The following AKT3 variants were observed in gnomAD, a reference collection of about 807,000 sequenced individuals.
AKT3 encodes the protein AKT serine/threonine kinase 3.
A neutral mutation model predicts 65.3 loss-of-function variants in AKT3; 15 were observed. That is an observed-to-expected ratio of 0.23 (90% CI 0.15 to 0.35). The LOEUF (loss-of-function observed/expected upper bound fraction) is 0.35, where lower values mean the gene tolerates loss of function less well. Ranked by LOEUF, AKT3 falls within the 10% of genes least tolerant of loss-of-function variation. The pLI is 1.00. For synonymous variants in AKT3, 206 were observed against 183.8 expected (o/e 1.12, Z -0.98); for missense variants, 243 against 576.5 (o/e 0.42, Z 5.92).
intron 2 of AKT3, among the ~76,000 whole-genome samples, chr1:243,824,592 GAACATAAAC>G (rs1032238642): frequency 2.0e-5 from 3 of 151,112 alleles, no homozygotes; most frequent in African/African-American, 7.3e-5. Context: ...AGTGGGCAAA[GAACATAAAC>G]AGACACTTTT....
intron 2 of AKT3, among the ~76,000 whole-genome samples, chr1:243,743,801 G>A (rs1315823418): frequency 6.6e-6 from 1 of 152,092 alleles, no homozygotes; most frequent in Admixed American, 6.5e-5. Flanking sequence ...CTTACACCCA[G>A]GAGTTTAAGA....
At chr1:243,726,997 A>G (rs1687250268) in intron 2 of AKT3, among the ~76,000 whole-genome samples, 1 of 152,234 alleles carries the variant, frequency 6.6e-6, no homozygotes, top group African/African-American at 2.4e-5. Flanking sequence ...AAGAGATGTC[A>G]GTATTGTGGT....
intron 3 of AKT3, among the ~76,000 whole-genome samples, chr1:243,692,127 T>C (rs903714917): frequency 3.9e-5 from 6 of 152,150 alleles, no homozygotes; most frequent in Non-Finnish European, 7.4e-5. Context: ...TCCCAAAAGA[T>C]AGCACCTTAG....
At chr1:243,781,403 C>G (rs1277830201) in intron 2 of AKT3, among the ~76,000 whole-genome samples, 1 of 152,122 alleles carries the variant, frequency 6.6e-6, no homozygotes, top group Non-Finnish European at 1.5e-5. Context: ...TTTTCCTCCT[C>G]TTTTTATTTG....
At chr1:243,671,168 C>T (rs1254911898) in intron 3 of AKT3, among the ~76,000 whole-genome samples, 3 of 151,542 alleles carry the variant, frequency 2.0e-5, no homozygotes, top group Non-Finnish European at 2.9e-5. Context: ...AGCTCCACCT[C>T]CCGGGTTCAT....
chr1:243,620,434 TGACACA>T lies in AKT3; in HGVS notation c.562-5279_562-5274del, dbSNP rs1489865645. Among the ~76,000 whole-genome samples the T allele has an allele frequency of 6.2e-3, 255 of 41,232 alleles. 99 individuals are homozygous for T. Among genetic ancestry groups the T allele is most frequent in the Non-Finnish European group, 0.023 (169 of 7,214 alleles). 27.0% of individuals were successfully genotyped at this position (41,232 alleles called of 152,430 possible). ...TGCATTTCCCTGATGAGTAGTGATATGACACACTTTTACAAATTAAACAATGATTAC... is the reference window on the plus strand; with the variant it reads ...TGCATTTCCCTGATGAGTAGTGATATCTTTTACAAATTAAACAATGATTAC... On this transcript the variant is annotated intron_variant, in intron 6 of 13. Coordinates refer to ENST00000673466, the MANE Select transcript of AKT3 (RefSeq NM_005465.7).
At chr1:243,490,612 G>A (rs895949903) in intron 13 of AKT3, among the ~76,000 whole-genome samples, 8 of 152,254 alleles carry the variant, frequency 5.3e-5, no homozygotes. Context: ...AGTGGGCATG[G>A]TGCACGCCTG....
At chr1:243,495,094 A>G (rs908516346), downstream of AKT3, among the ~76,000 whole-genome samples, 1 of 152,164 alleles carries the variant, frequency 6.6e-6, no homozygotes, top group Admixed American at 6.5e-5. Context: ...GACTCAGGGG[A>G]CTTGAGAAAG....
intron 1 of AKT3, among the ~76,000 whole-genome samples, chr1:243,846,867 T>C (rs1263880482): frequency 2.0e-5 from 3 of 152,228 alleles, no homozygotes; most frequent in Non-Finnish European, 4.4e-5. Flanking sequence ...TTTTCTTATG[T>C]GAAAATCACT....
chr1:243,693,543 G>C (rs1392768789), intron 3 of AKT3, among the ~76,000 whole-genome samples: 1 of 151,614 alleles, frequency 6.6e-6, no homozygotes, highest in Non-Finnish European at 1.5e-5. Flanking sequence ...CAGAATCACA[G>C]AATGTCAGGG....
At chr1:243,776,051 C>T (rs1366602117) in intron 2 of AKT3, among the ~76,000 whole-genome samples, 1 of 152,190 alleles carries the variant, frequency 6.6e-6, no homozygotes, top group Non-Finnish European at 1.5e-5. Flanking sequence ...TCTACTGATA[C>T]AGTGAAGGAA....
chr1:243,619,443 ACACT>A lies in AKT3; in HGVS notation c.562-4286_562-4283del, dbSNP rs1558658458. 1.0e-4 allele frequency among the ~76,000 whole-genome samples: 11 copies of A among 104,938 alleles called. 4 individuals carry two copies. Among genetic ancestry groups the A allele is most frequent in the Non-Finnish European group, 2.6e-4 (10 of 37,978 alleles). 68.8% of individuals were successfully genotyped at this position (104,938 alleles called of 152,430 possible). A position where few individuals can be genotyped will look rare whatever the true frequency, so the allele number is the denominator to read the frequency against. On this transcript the variant is annotated intron_variant, in intron 6 of 13. Coordinates refer to ENST00000673466, the MANE Select transcript of AKT3 (RefSeq NM_005465.7). ...TATAGTCGCCCTACTGAACTATCTA[ACACT>A]AGGTCTTATTACAACTGTACTTCTG...
chr1:243,615,206 T>A, intron 6 of AKT3, 45 bp from the exon 7 acceptor site: 1 of 1,376,398 alleles, frequency 7.3e-7, no homozygotes, highest in Non-Finnish European at 1.0e-6. Flanking sequence ...TTTTGAGCAC[T>A]GATAATAATA....
chr1:243,772,299 G>C (rs1170485408), intron 2 of AKT3, among the ~76,000 whole-genome samples: 2 of 151,946 alleles, frequency 1.3e-5, no homozygotes, highest in African/African-American at 4.8e-5. Flanking sequence ...ATCTGACAAA[G>C]GGCTAATATC....
intron 4 of AKT3, among the ~76,000 whole-genome samples, chr1:243,658,625 T>C (rs1173842742): frequency 6.6e-6 from 1 of 152,186 alleles, no homozygotes; most frequent in Non-Finnish European, 1.5e-5. Context: ...TGGATATTTA[T>C]TCAAACAAAG....
intron 13 of AKT3, among the ~76,000 whole-genome samples, chr1:243,508,931 C>T (rs1485716059): frequency 6.6e-6 from 1 of 152,098 alleles, no homozygotes; most frequent in Non-Finnish European, 1.5e-5. Context: ...CTTGGCCTCC[C>T]AAAGTGCTGG....
At chr1:243,528,763 AAC>A (rs1671326930) in intron 12 of AKT3, among the ~76,000 whole-genome samples, 1 of 152,228 alleles carries the variant, frequency 6.6e-6, no homozygotes, top group African/African-American at 2.4e-5. Context: ...TGCTATTATG[AAC>A]AGTGTTGTAA....
At chr1:243,759,122 T>C (rs565625907) in intron 2 of AKT3, among the ~76,000 whole-genome samples, 1 of 152,266 alleles carries the variant, frequency 6.6e-6, no homozygotes, top group South Asian at 2.1e-4. Flanking sequence ...AAGACCAGCC[T>C]GGGCAAAATG....
Position 243,640,158 on chromosome 1 carries a change from T to C in AKT3, c.430-2416A>G, listed in dbSNP as rs115833620. Among the ~76,000 whole-genome samples the C allele has an allele frequency of 3.1e-3, 479 of 152,338 alleles. 5 individuals carry two copies. The highest frequency in any genetic ancestry group is 0.011 in the African/African-American group (449 of 41,586). On this transcript the variant is annotated intron_variant, in intron 5 of 13. Transcript: ENST00000673466. ...AGAGATAGCAGGGAAAATAATAAGA[T>C]ATATTAATTCAACTAAAAATCAAAC... is the stretch of plus-strand genomic sequence containing the variant.
Sources: gnomAD v4.1 joint callset for allele counts (sites outside exome capture counted in the v4.1 genomes callset) on GRCh38, gnomAD v4.1.1 for gene constraint, MANE v1.5 for transcripts, NCBI Gene and HGNC (gene_info 2026-07-23, HGNC 2026-07-21) for gene names.